SLC24A4: variants seen among roughly 807,000 people sequenced by gnomAD.
SLC24A4 encodes solute carrier family 24 member 4, also known as sodium/potassium/calcium exchanger 4.
A neutral mutation model predicts 79.0 loss-of-function variants in SLC24A4; 53 were observed. The observed-to-expected ratio is 0.67, with a 90% CI of 0.54 to 0.84. SLC24A4 has a LOEUF of 0.84. Among genes scored for constraint, SLC24A4 ranks in the 40% least tolerant of loss-of-function variants. SLC24A4 has a pLI of 0.00. For missense variants in SLC24A4, 731 were observed against 822.0 expected, an observed-to-expected ratio of 0.89 and a Z score of 1.35; for synonymous variants, 323 against 323.8, an observed-to-expected ratio of 1.00 and a Z score of 0.03.
chr14:92,335,643 G>A (rs969354060), intron 2 of SLC24A4, among the ~76,000 whole-genome samples: 1 of 152,116 alleles, frequency 6.6e-6, no homozygotes, highest in Non-Finnish European at 1.5e-5. Flanking sequence ...GATTACAGGC[G>A]TGAGCCACTG....
intron 12 of SLC24A4, 65 bp from the exon 13 acceptor site, chr14:92,482,615 G>A: frequency 6.9e-7 from 1 of 1,447,766 alleles, no homozygotes; most frequent in Non-Finnish European, 9.3e-7. Context: ...CAGGTAGACT[G>A]GCAGGTGTGT....
At chr14:92,333,375 A>G (rs897935667) in intron 2 of SLC24A4, among the ~76,000 whole-genome samples, 4 of 152,188 alleles carry the variant, frequency 2.6e-5, no homozygotes, top group Admixed American at 6.5e-5. Context: ...GATTACAGGC[A>G]TGAGCCACTG....
At chr14:92,411,152 TC>T (rs1890687092) in intron 2 of SLC24A4, among the ~76,000 whole-genome samples, 1 of 152,030 alleles carries the variant, frequency 6.6e-6, no homozygotes, top group South Asian at 2.1e-4. Context: ...GGGACTCAGA[TC>T]CCCCGTGTTG....
intron 12 of SLC24A4, among the ~76,000 whole-genome samples, chr14:92,477,591 T>C (rs1447527147): frequency 1.3e-5 from 2 of 151,828 alleles, no homozygotes; most frequent in Non-Finnish European, 2.9e-5. Flanking sequence ...TCCCAAGTAG[T>C]TGAGACTAAA....
intron 2 of SLC24A4, among the ~76,000 whole-genome samples, chr14:92,432,413 CA>C (rs1891925082): frequency 6.6e-6 from 1 of 152,190 alleles, no homozygotes; most frequent in Non-Finnish European, 1.5e-5. Context: ...AGTCAGCTCT[CA>C]AAACCCTGGT....
At chr14:92,484,075 CTCTCTT>C (rs948385588) in intron 13 of SLC24A4, 1 of 985,256 alleles carries the variant, frequency 1.0e-6, no homozygotes, top group Non-Finnish European at 1.2e-6. Flanking sequence ...GTGATCATCA[CTCTCTT>C]ACAAGGCCAT....
At chr14:92,395,084 G>C (rs371589120) in intron 2 of SLC24A4, among the ~76,000 whole-genome samples, 1 of 152,212 alleles carries the variant, frequency 6.6e-6, no homozygotes, top group African/African-American at 2.4e-5. Flanking sequence ...CCTCTGGACG[G>C]ATAAGGGACT....
intron 2 of SLC24A4, among the ~76,000 whole-genome samples, chr14:92,366,924 G>A (rs865791475): frequency 8.5e-5 from 13 of 152,190 alleles, no homozygotes; most frequent in East Asian, 3.9e-4. Context: ...TAGTAAGGGC[G>A]TGCCAGGACT....
Position 92,323,364 on chromosome 14 carries a change from G to GAT in SLC24A4, c.-467_-466insAT, listed in dbSNP as rs1250734570. 1 of 152,384 alleles carries GAT rather than the reference G, an allele frequency of 6.6e-6. No individual in the cohort carries two copies. Among genetic ancestry groups the GAT allele is most frequent in the African/African-American group, 2.4e-5 (1 of 41,388 alleles). The allele number at this position is 152,384 out of a possible 1,614,324, so 9.4% of individuals were successfully genotyped here. ...AACATCGCCGGCTGGCAGCCGGGGCGGCCGCCGCCAAACTTGGAGGAGGAG... is the reference window on the plus strand; with the variant it reads ...AACATCGCCGGCTGGCAGCCGGGGCGATGCCGCCGCCAAACTTGGAGGAGGAG... On this transcript the variant is annotated 5_prime_UTR_variant, in exon 1 of 17. In the 5' UTR this introduces an upstream ATG that the reference lacks. Coordinates refer to ENST00000532405, the MANE Select transcript of SLC24A4 (RefSeq NM_153646.4). This position sits in a 1 kb window ranked among gnomAD's most constrained non-coding sequence, Gnocchi z 4.9.
At chr14:92,481,805 C>T (rs1170527855) in intron 12 of SLC24A4, among the ~76,000 whole-genome samples, 10 of 152,166 alleles carry the variant, frequency 6.6e-5, no homozygotes, top group Admixed American at 6.5e-4. Context: ...CTCAATGCTT[C>T]TACAAAAAAT....
chr14:92,379,750 G>T (rs1284941708), intron 2 of SLC24A4, among the ~76,000 whole-genome samples: 1 of 152,092 alleles, frequency 6.6e-6, no homozygotes, highest in Non-Finnish European at 1.5e-5. Context: ...AGGGCCAACA[G>T]TCATGCTTGA....
In SLC24A4 at chr14:92,404,058, A is replaced by G. The variant is rs574967833; in HGVS notation, c.242-29854A>G. On this transcript the variant is annotated intron_variant, in intron 2 of 16. Transcript: ENST00000532405. ...TCACTCTGGGCTTGCCAGAGCCTCA[A>G]TTTACAGACTGTGTTAGAAAAGAGT... is the stretch of plus-strand genomic sequence containing the variant. 6.6e-5 allele frequency among the ~76,000 whole-genome samples: 10 copies of G among 152,302 alleles called. No individual in the cohort carries two copies. The South Asian group carries it at 1.9e-3, about 28-fold the overall frequency.
chr14:92,422,439 C>T (rs970102675), intron 2 of SLC24A4, among the ~76,000 whole-genome samples: 20 of 152,352 alleles, frequency 1.3e-4, no homozygotes, highest in East Asian at 7.7e-4. Context: ...CTGTTGAGAG[C>T]TGGATTATCC....
chr14:92,362,614 G>T (rs376207954), intron 2 of SLC24A4, among the ~76,000 whole-genome samples: 1 of 152,200 alleles, frequency 6.6e-6, no homozygotes. Context: ...CTTAGGAGCT[G>T]CCGGGGGATG....
intron 2 of SLC24A4, 31 bp downstream of exon 2, chr14:92,326,009 A>G (rs763337940): frequency 2.7e-6 from 4 of 1,503,612 alleles, no homozygotes; most frequent in Non-Finnish European, 3.7e-6. Context: ...CACTCAGTCT[A>G]CTAAGATGTT....
chr14:92,459,514 C>A (rs1893673320), intron 12 of SLC24A4, among the ~76,000 whole-genome samples: 1 of 152,152 alleles, frequency 6.6e-6, no homozygotes, highest in South Asian at 2.1e-4. Flanking sequence ...AGGCTGTTCC[C>A]CTGGGCTCAG....
intron 2 of SLC24A4, among the ~76,000 whole-genome samples, chr14:92,344,296 A>G (rs956497812): frequency 1.3e-5 from 2 of 152,212 alleles, no homozygotes; most frequent in African/African-American, 4.8e-5. Flanking sequence ...AGAATGGAAG[A>G]CAAGAGAAGC....
intron 12 of SLC24A4, among the ~76,000 whole-genome samples, chr14:92,465,022 T>TGCTG (rs1289374993): frequency 6.6e-6 from 1 of 152,058 alleles, no homozygotes; most frequent in Non-Finnish European, 1.5e-5. Flanking sequence ...AGAGTGTCCA[T>TGCTG]GGCAGCCCTG....
At chr14:92,408,605 C>G (rs1257634795) in intron 2 of SLC24A4, among the ~76,000 whole-genome samples, 1 of 152,146 alleles carries the variant, frequency 6.6e-6, no homozygotes, top group African/African-American at 2.4e-5. Flanking sequence ...AGGCAAGTCA[C>G]TTAGCTTTTT....
Sources: allele counts gnomAD v4.1 joint callset (sites outside exome capture counted in the v4.1 genomes callset), GRCh38; gene constraint gnomAD v4.1.1; non-coding constraint Gnocchi (gnomAD v3.1); transcripts MANE v1.5; gene names NCBI Gene and HGNC (gene_info 2026-07-23, HGNC 2026-07-21).